The following VAV2 variants were observed in gnomAD, a reference collection of about 807,000 sequenced individuals.
VAV2 encodes guanine nucleotide exchange factor VAV2.
VAV2 carries 67 observed loss-of-function variants against 132.5 expected under a neutral mutation model. The ratio of observed to expected loss-of-function variants is 0.51; its 90% CI spans 0.42 to 0.62. The LOEUF is 0.62. Among genes scored for constraint, VAV2 ranks in the 20% least tolerant of loss-of-function variants. The pLI is 0.00. For synonymous variants in VAV2, 492 were observed against 443.5 expected (o/e 1.11, Z -1.37); for missense variants, 938 against 1,153.6 (o/e 0.81, Z 2.71).
intron 2 of VAV2, 73 bp downstream of exon 2, chr9:133,939,030 G>A (rs1588144407): frequency 1.4e-5 from 19 of 1,397,566 alleles, no homozygotes; most frequent in Non-Finnish European, 1.9e-5. Context: ...CATGGATCTG[G>A]CCCACCTGCC....
At chr9:133,871,237 CAGAT>C (rs1838025146) in intron 2 of VAV2, among the ~76,000 whole-genome samples, 1 of 115,798 alleles carries the variant, frequency 8.6e-6, no homozygotes, top group Admixed American at 8.7e-5. Context: ...GGTGGGTGGG[CAGAT>C]GGATGGATGG....
rs767880414 is a variant in VAV2 at position 133,770,386 on chromosome 9, C to T, written c.2339G>A (p.Arg780Gln). Reference sequence around the variant, plus strand: ...CTGGGCCGGGGCGTTACCTGGGGACCGGCTGGAGGCCCTGGAGGCCGAACG... The same window carrying T: ...CTGGGCCGGGGCGTTACCTGGGGACTGGCTGGAGGCCCTGGAGGCCGAACG... ...RERSASRASSRSPASCASYNF... is the reference protein window; with the variant it reads ...RERSASRASSQSPASCASYNF... Residue 780 changes from arginine (R) to glutamine (Q), a missense_variant, in exon 27 of 30, where the codon CGG becomes CAG. Transcript: ENST00000371850. The T allele has an allele frequency of 2.0e-5, 33 of 1,613,818 alleles. 1 individual carries two copies. The highest frequency in any genetic ancestry group is 1.6e-4 in the Middle Eastern group (1 of 6,074).
At chr9:133,910,498 G>T (rs1016738678) in intron 2 of VAV2, among the ~76,000 whole-genome samples, 2 of 152,018 alleles carry the variant, frequency 1.3e-5, no homozygotes, top group African/African-American at 4.8e-5. Flanking sequence ...CACTTCCCCA[G>T]AGTCACACAG....
intron 2 of VAV2, among the ~76,000 whole-genome samples, chr9:133,886,686 C>T (rs1384045708): frequency 6.6e-6 from 1 of 152,218 alleles, no homozygotes; most frequent in Non-Finnish European, 1.5e-5. Context: ...GGCACCTGCA[C>T]ACATTACACA....
intron 2 of VAV2, among the ~76,000 whole-genome samples, chr9:133,900,927 GAA>G (rs1184087960): frequency 6.6e-6 from 1 of 151,850 alleles, no homozygotes; most frequent in Non-Finnish European, 1.5e-5. Context: ...GCTCCCCCGA[GAA>G]GCTGGGATTA....
chr9:133,765,886 G>C (rs1833413315), intron 29 of VAV2, among the ~76,000 whole-genome samples: 1 of 152,122 alleles, frequency 6.6e-6, no homozygotes, highest in Non-Finnish European at 1.5e-5. Flanking sequence ...GGTAAATCTG[G>C]GCAGGTTACT....
At chr9:133,947,322 C>T (rs1365736752) in intron 1 of VAV2, among the ~76,000 whole-genome samples, 1 of 152,214 alleles carries the variant, frequency 6.6e-6, no homozygotes, top group East Asian at 1.9e-4. Context: ...CCAATAACCA[C>T]TCTAGCAGGG....
At chr9:133,989,295 C>G (rs1259218318) in intron 1 of VAV2, among the ~76,000 whole-genome samples, 1 of 149,570 alleles carries the variant, frequency 6.7e-6, no homozygotes, top group Non-Finnish European at 1.5e-5. Flanking sequence ...GCTGAGATAG[C>G]GCCATTGCAC....
At chr9:133,844,319 C>T (rs933103578) in intron 3 of VAV2, among the ~76,000 whole-genome samples, 1 of 152,190 alleles carries the variant, frequency 6.6e-6, no homozygotes. Context: ...TGTCCTTCCC[C>T]GGTGAGCATG....
intron 2 of VAV2, among the ~76,000 whole-genome samples, chr9:133,888,495 G>A (rs1344422562): frequency 6.6e-6 from 1 of 152,164 alleles, no homozygotes; most frequent in Non-Finnish European, 1.5e-5. Flanking sequence ...GCCCAGACAT[G>A]TCTGTCCCTA....
chr9:133,843,910 T>C (rs1021773882), intron 3 of VAV2, among the ~76,000 whole-genome samples: 1 of 151,668 alleles, frequency 6.6e-6, no homozygotes, highest in Non-Finnish European at 1.5e-5. Flanking sequence ...ACCACTGCCA[T>C]AGCCCCGGCA....
At chr9:133,815,855 C>T (rs184109273) in intron 4 of VAV2, among the ~76,000 whole-genome samples, 1 of 152,274 alleles carries the variant, frequency 6.6e-6, no homozygotes, top group African/African-American at 2.4e-5. Context: ...AACAAAATTC[C>T]ACTAGGACTG....
chr9:133,780,458 C>T (rs1168605498), intron 20 of VAV2, among the ~76,000 whole-genome samples: 2 of 152,200 alleles, frequency 1.3e-5, no homozygotes, highest in African/African-American at 4.8e-5. Context: ...CGAGCAGCCA[C>T]TGGGCAAGGG....
chr9:133,878,418 T>C (rs1452983805), intron 2 of VAV2, among the ~76,000 whole-genome samples: 1 of 152,096 alleles, frequency 6.6e-6, no homozygotes, highest in Non-Finnish European at 1.5e-5. Context: ...TCCCCATCCA[T>C]CCCCAGCCAG....
At chr9:133,947,216 G>A (rs1283479077) in intron 1 of VAV2, among the ~76,000 whole-genome samples, 1 of 152,146 alleles carries the variant, frequency 6.6e-6, no homozygotes, top group Non-Finnish European at 1.5e-5. Context: ...CAGGTGAAAG[G>A]TAGGGTCTGG....
At chr9:133,841,931 C>T (rs981547361) in intron 3 of VAV2, among the ~76,000 whole-genome samples, 1 of 151,366 alleles carries the variant, frequency 6.6e-6, no homozygotes, top group African/African-American at 2.5e-5. Context: ...CGCAGTGGGA[C>T]CAATTCCTGG....
Position 133,824,396 on chromosome 9 carries a change from C to A in VAV2, c.449+9876G>T, listed in dbSNP as rs1397878277. Among the ~76,000 whole-genome samples the A allele has an allele frequency of 6.6e-6, 1 of 151,904 alleles. No individual in the cohort carries two copies. Among genetic ancestry groups the A allele is most frequent in the Non-Finnish European group, 1.5e-5 (1 of 68,004 alleles). On this transcript the variant is annotated intron_variant, in intron 4 of 29. Transcript: ENST00000371850. The surrounding 1 kb of genome is among the most constrained non-coding windows in gnomAD (Gnocchi z 5.2). ...CCAGGACCCTCCTAAAACCCCAGCC[C>A]AAAACGGCCCTCAGTTCCCGAGAAC...
In VAV2 at chr9:133,928,038, A is replaced by C. The variant is rs1020022469; in HGVS notation, c.321+11065T>G. On this transcript the variant is annotated intron_variant, in intron 2 of 29. Transcript: ENST00000371850. The surrounding 1 kb of genome is among the most constrained non-coding windows in gnomAD (Gnocchi z 5.4). ...GTAGGGACTCGGCTACCAAAATTGA[A>C]CCACCCTCCACCCTTGTCCAGTGTG... 5.9e-5 allele frequency: 9 copies of C among 151,992 alleles called. No individual in the cohort carries two copies. The highest frequency in any genetic ancestry group is 1.2e-4 in the Non-Finnish European group (8 of 67,980). The allele number at this position is 151,992 out of a possible 1,614,324, so 9.4% of individuals were successfully genotyped here.
At chr9:133,767,978 T>C (rs1316297106) in intron 29 of VAV2, among the ~76,000 whole-genome samples, 3 of 152,098 alleles carry the variant, frequency 2.0e-5, no homozygotes, top group Non-Finnish European at 2.9e-5. Flanking sequence ...TGTGAAGGGA[T>C]TGGGGACACA....
Sources: allele counts gnomAD v4.1 joint callset (sites outside exome capture counted in the v4.1 genomes callset), GRCh38; gene constraint gnomAD v4.1.1; non-coding constraint Gnocchi (gnomAD v3.1); transcripts MANE v1.5; gene names NCBI Gene and HGNC (gene_info 2026-07-23, HGNC 2026-07-21).